Variants in CRISPLD2 observed in about 807,000 individuals in gnomAD.
CRISPLD2 encodes cysteine-rich secretory protein LCCL domain-containing 2.
Under a neutral mutation model 71.1 loss-of-function variants are expected in CRISPLD2, and 47 were observed. The observed-to-expected ratio is 0.66, with a 90% CI of 0.52 to 0.84. The LOEUF (loss-of-function observed/expected upper bound fraction) is 0.84, where lower values mean the gene tolerates loss of function less well. CRISPLD2 is among the 40% of genes least tolerant of loss of function. The pLI, the probability that CRISPLD2 is intolerant of heterozygous loss-of-function variation, is 0.00. For synonymous variants in CRISPLD2, 317 were observed against 250.1 expected, an observed-to-expected ratio of 1.27 and a Z score of -2.52; for missense variants, 830 against 651.1, an observed-to-expected ratio of 1.27 and a Z score of -2.99.
intron 3 of CRISPLD2, 25 bp from the exon 4 acceptor site, chr16:84,849,360 T>A (rs1917012062): frequency 6.2e-7 from 1 of 1,604,300 alleles, no homozygotes; most frequent in Admixed American, 1.7e-5. Flanking sequence ...GGGCTGGGAC[T>A]GAGTGAGCGG....
chr16:84,887,762 G>C (rs2071625867), intron 13 of CRISPLD2, among the ~76,000 whole-genome samples: 1 of 152,174 alleles, frequency 6.6e-6, no homozygotes, highest in Non-Finnish European at 1.5e-5. Context: ...TGTAATCCCA[G>C]CTACTCAAGA....
intron 6 of CRISPLD2, among the ~76,000 whole-genome samples, chr16:84,863,718 C>G (rs1339809146): frequency 1.3e-5 from 2 of 151,986 alleles, no homozygotes; most frequent in African/African-American, 4.8e-5. Context: ...GCCTGTAATC[C>G]CAACACTTTG....
intron 13 of CRISPLD2, among the ~76,000 whole-genome samples, chr16:84,887,882 A>G (rs955488319): frequency 1.3e-5 from 2 of 151,542 alleles, no homozygotes; most frequent in African/African-American, 4.9e-5. Flanking sequence ...GTCTCAAAAA[A>G]TAGATAGATA....
intron 12 of CRISPLD2, among the ~76,000 whole-genome samples, chr16:84,878,377 G>C (rs974780132): frequency 3.6e-5 from 5 of 139,580 alleles, no homozygotes; most frequent in Non-Finnish European, 5.9e-5. Context: ...CCCTGCACCA[G>C]GGAGCTTCTT....
chr16:84,899,879 A>C (rs892452431), intron 14 of CRISPLD2, among the ~76,000 whole-genome samples: 1 of 152,226 alleles, frequency 6.6e-6, no homozygotes, highest in African/African-American at 2.4e-5. Flanking sequence ...GGAGGGACAC[A>C]GACCCCTGGT....
chr16:84,903,526 C>A (rs1811642), intron 14 of CRISPLD2, among the ~76,000 whole-genome samples: 95,428 of 150,590 alleles, frequency 0.63, 31,085 homozygotes, highest in East Asian at 0.85. Flanking sequence ...TGGGAGGCGG[C>A]GGTTGCAATG....
chr16:84,870,123 TAGTC>T (rs1337969686), intron 8 of CRISPLD2, among the ~76,000 whole-genome samples: 1 of 152,162 alleles, frequency 6.6e-6, no homozygotes, highest in South Asian at 2.1e-4. Context: ...ACAAAAATAG[TAGTC>T]AGTGGGTTTT....
At chr16:84,825,394 C>G (rs992134499) in intron 1 of CRISPLD2, among the ~76,000 whole-genome samples, 3 of 152,070 alleles carry the variant, frequency 2.0e-5, no homozygotes, top group African/African-American at 7.2e-5. Flanking sequence ...GAGATGCTGT[C>G]TCTACAAAAA....
intron 5 of CRISPLD2, among the ~76,000 whole-genome samples, chr16:84,853,059 C>T (rs1917133101): frequency 1.3e-5 from 2 of 152,074 alleles, no homozygotes; most frequent in South Asian, 4.1e-4. Context: ...AGAGCAAGAC[C>T]CTGTCTCAAA....
chr16:84,890,886 C>T lies in CRISPLD2; in HGVS notation c.1439+1523C>T, dbSNP rs948376520. On this transcript the variant is annotated intron_variant, in intron 14 of 14. Transcript: ENST00000262424. The stretch of plus-strand genomic sequence containing the variant: ...AGTGTCATTCAGAAAGGGCACTCAG[C>T]CTCCCAAGTAGCTGGGATTACAGGC... Among the ~76,000 whole-genome samples the T allele has an allele frequency of 2.6e-5, 4 of 152,208 alleles. No individual in the cohort carries two copies. In the South Asian group the frequency reaches 6.2e-4, roughly 24 times the overall value.
chr16:84,876,755 T>G (rs2244343), intron 11 of CRISPLD2, among the ~76,000 whole-genome samples: 71,034 of 151,436 alleles, frequency 0.47, 19,270 homozygotes, highest in African/African-American at 0.75. Flanking sequence ...TCGTGCCGTT[T>G]CACTCCAGCC....
At chr16:84,835,769 C>G (rs1916603340) in intron 1 of CRISPLD2, among the ~76,000 whole-genome samples, 1 of 152,254 alleles carries the variant, frequency 6.6e-6, no homozygotes, top group Non-Finnish European at 1.5e-5. Flanking sequence ...AAGGACCAGC[C>G]TCTAAGCTGT....
intron 14 of CRISPLD2, among the ~76,000 whole-genome samples, chr16:84,896,768 CAT>C (rs564380607): frequency 6.6e-6 from 1 of 152,228 alleles, no homozygotes; most frequent in Non-Finnish European, 1.5e-5. Context: ...TATGTACACT[CAT>C]ACATATAGAG....
At chr16:84,873,646 G>A in intron 10 of CRISPLD2, 1 of 363,026 alleles carries the variant, frequency 2.8e-6, no homozygotes, top group Non-Finnish European at 4.8e-6. Flanking sequence ...TGCAGCTGTG[G>A]TTAGATTAAA....
intron 8 of CRISPLD2, among the ~76,000 whole-genome samples, chr16:84,871,397 G>C (rs1033707896): frequency 6.6e-6 from 1 of 152,044 alleles, no homozygotes; most frequent in Admixed American, 6.6e-5. Flanking sequence ...AAATTAGTTG[G>C]GTGTGGTTGT....
chr16:84,872,519 C>G lies in CRISPLD2; in HGVS notation c.981+11C>G, dbSNP rs777274346. ...CTGTTCTATGAAAGCGTGAGTGTGG[C>G]CAGTCCTCCTCTCAATGGCTTGTGT... On this transcript the variant is annotated intron_variant, in intron 9 of 14. Coordinates refer to ENST00000262424, the MANE Select transcript of CRISPLD2 (RefSeq NM_031476.4). 1 of 1,610,246 alleles carries G rather than the reference C, an allele frequency of 6.2e-7. No individual in the cohort carries two copies. Among genetic ancestry groups the G allele is most frequent in the Non-Finnish European group, 8.5e-7 (1 of 1,177,078 alleles).
At chr16:84,879,431 C>G (rs983810352) in intron 12 of CRISPLD2, among the ~76,000 whole-genome samples, 1 of 149,222 alleles carries the variant, frequency 6.7e-6, no homozygotes, top group African/African-American at 2.5e-5. Context: ...GGTACAATCT[C>G]TGCTCACTGC....
intron 12 of CRISPLD2, among the ~76,000 whole-genome samples, chr16:84,880,167 T>A (rs2071555923): frequency 6.6e-6 from 1 of 152,146 alleles, no homozygotes; most frequent in Non-Finnish European, 1.5e-5. Flanking sequence ...ACCCACAGTG[T>A]GAACTAGCCA....
At chr16:84,829,512 C>A (rs963124223) in intron 1 of CRISPLD2, among the ~76,000 whole-genome samples, 1 of 152,140 alleles carries the variant, frequency 6.6e-6, no homozygotes, top group African/African-American at 2.4e-5. Context: ...TTGCTCAGAT[C>A]TGAGTTCTCC....
Sources: allele counts gnomAD v4.1 joint callset (sites outside exome capture counted in the v4.1 genomes callset), GRCh38; gene constraint gnomAD v4.1.1; transcripts MANE v1.5; gene names NCBI Gene and HGNC (gene_info 2026-07-23, HGNC 2026-07-21).